NAA15: variants seen among roughly 807,000 people sequenced by gnomAD.
NAA15 encodes the protein N-terminal acetyltransferase.
Under a neutral mutation model 114.0 loss-of-function variants are expected in NAA15, and 34 were observed. That is an observed-to-expected ratio of 0.30 (90% CI 0.23 to 0.40). The LOEUF (loss-of-function observed/expected upper bound fraction) is 0.40, where lower values mean the gene tolerates loss of function less well. Ranked by LOEUF, NAA15 falls within the 10% of genes least tolerant of loss-of-function variation. NAA15 has a pLI of 1.00. For synonymous variants in NAA15, 340 were observed against 338.0 expected (o/e 1.01, Z -0.06); for missense variants, 658 against 1,004.5 (o/e 0.66, Z 4.66).
At chr4:139,337,329 A>G (rs1367091929) in intron 3 of NAA15, among the ~76,000 whole-genome samples, 2 of 152,218 alleles carry the variant, frequency 1.3e-5, no homozygotes, top group African/African-American at 4.8e-5. Flanking sequence ...AAAATAAGGA[A>G]TATTAGAGCG....
intron 1 of NAA15, among the ~76,000 whole-genome samples, chr4:139,328,690 C>T (rs1746890281): frequency 6.6e-6 from 1 of 151,288 alleles, no homozygotes; most frequent in South Asian, 2.1e-4. Flanking sequence ...GCCTCAGCCT[C>T]CCGAGTAGCT....
At chr4:139,360,377 G>C (rs1156766874) in intron 12 of NAA15, 123 bp from the exon 13 acceptor site, 1 of 731,118 alleles carries the variant, frequency 1.4e-6, no homozygotes, top group Non-Finnish European at 2.1e-6. Context: ...TATTCTTTAA[G>C]AATGTTTTAA....
chr4:139,360,581 A>G lies in NAA15; in HGVS notation c.1492A>G (p.Met498Val), dbSNP rs376099521. ...AGAATGTGCCCAGGCTTATAAAGCA[A>G]TGAATAAATTTGGTGAAGCACTTAA... ...QTECAQAYKA[M>V]NKFGEALKKC... is the part of the protein sequence containing the mutation. The change falls in exon 13 of 20, where the codon ATG (methionine) becomes GTG (valine). Residue 498 changes from methionine to valine, a missense_variant. Transcript: ENST00000296543. 7.5e-6 allele frequency: 12 copies of G among 1,610,476 alleles called. No homozygotes were observed. Among genetic ancestry groups the G allele is most frequent in the Non-Finnish European group, 8.5e-6 (10 of 1,178,288 alleles).
At position 139,375,384 on chromosome 4, in the gene NAA15, G is replaced by A. The variant is rs141010272; in HGVS notation, c.1948-981G>A. Among the ~76,000 whole-genome samples, 802 of 152,208 alleles carry A rather than the reference G, an allele frequency of 5.3e-3. 12 individuals carry two copies. Among genetic ancestry groups the A allele is most frequent in the African/African-American group, 0.018 (767 of 41,516 alleles). On this transcript the variant is annotated intron_variant, in intron 15 of 19. Transcript: ENST00000296543. ...TTTTAATGGGTTATTTTATTGTCCT[G>A]TAAGGCCTTCTGCTTTACACACTAG...
intron 14 of NAA15, among the ~76,000 whole-genome samples, chr4:139,363,048 T>C (rs1748178550): frequency 6.6e-6 from 1 of 152,222 alleles, no homozygotes; most frequent in African/African-American, 2.4e-5. Context: ...TAAGGTCACA[T>C]ACTGAAGCCT....
At chr4:139,315,001 T>TTCAGTTTAGTTTAGTTTAGTTTAGG (rs1181192026) in intron 1 of NAA15, among the ~76,000 whole-genome samples, 1 of 74,356 alleles carries the variant, frequency 1.3e-5, no homozygotes, top group African/African-American at 6.6e-5. Flanking sequence ...TTCAGTTCAG[T>TTCAGTTTAGTTTAGTTTAGTTTAGG]TTAGTTTAGG....
At chr4:139,322,934 G>A (rs1475779527) in intron 1 of NAA15, among the ~76,000 whole-genome samples, 11 of 151,014 alleles carry the variant, frequency 7.3e-5, no homozygotes, top group South Asian at 2.1e-4. Flanking sequence ...CAAGTGACCC[G>A]CCCACCTTGT....
chr4:139,368,499 C>G (rs1466040838), intron 14 of NAA15, among the ~76,000 whole-genome samples: 2 of 152,200 alleles, frequency 1.3e-5, no homozygotes, highest in Non-Finnish European at 2.9e-5. Flanking sequence ...ATGGCTTACT[C>G]TCATGGCCAG....
intron 6 of NAA15, among the ~76,000 whole-genome samples, chr4:139,344,655 A>T (rs1284332959): frequency 6.6e-6 from 1 of 152,236 alleles, no homozygotes; most frequent in Non-Finnish European, 1.5e-5. Context: ...TTAGTTTTAT[A>T]AGACAGAGGA....
At position 139,342,711 on chromosome 4, in the gene NAA15, G is replaced by A. The variant is rs1399438314; in HGVS notation, c.403-115G>A. Reference sequence around the variant, plus strand: ...GATCCACCCGCCTTAGCCTCCCAAAGTGCTGGGATTACAGGCGTGAGCCAC... The same window carrying A: ...GATCCACCCGCCTTAGCCTCCCAAAATGCTGGGATTACAGGCGTGAGCCAC... On this transcript the variant is annotated intron_variant, in intron 4 of 19. Transcript: ENST00000296543. 1.9e-5 allele frequency: 17 copies of A among 905,816 alleles called. No homozygotes were observed. The East Asian group carries it at 4.3e-4, about 23-fold the overall frequency. The allele number at this position is 905,816 out of a possible 1,614,324, so 56.1% of individuals were successfully genotyped here.
At chr4:139,350,276 C>G (rs1384399256) in intron 7 of NAA15, among the ~76,000 whole-genome samples, 2 of 152,124 alleles carry the variant, frequency 1.3e-5, no homozygotes, top group East Asian at 1.9e-4. Flanking sequence ...GACACTGCCT[C>G]TTAAATAAAA....
intron 1 of NAA15, among the ~76,000 whole-genome samples, chr4:139,321,471 G>GTTTTT (rs909254599): frequency 1.8e-5 from 2 of 113,238 alleles, no homozygotes; most frequent in Admixed American, 9.3e-5. Flanking sequence ...GCCCTTATTT[G>GTTTTT]TTTTTTTTTT....
rs772341656 is a variant in NAA15 at position 139,375,549 on chromosome 4, G to A, written c.1948-816G>A. Reference sequence around the variant, plus strand: ...ACAATTACTCTACTAACAGAGGCACGTTGACCAGATGTGGCAAATTCATTT... The same window carrying A: ...ACAATTACTCTACTAACAGAGGCACATTGACCAGATGTGGCAAATTCATTT... On this transcript the variant is annotated intron_variant, in intron 15 of 19. Transcript: ENST00000296543. 5.3e-5 allele frequency among the ~76,000 whole-genome samples: 8 copies of A among 151,884 alleles called. No individual in the cohort carries two copies. The South Asian group carries it at 1.0e-3, about 20-fold the overall frequency.
chr4:139,333,904 A>T (rs570214261), intron 1 of NAA15, among the ~76,000 whole-genome samples: 3 of 152,296 alleles, frequency 2.0e-5, no homozygotes, highest in South Asian at 2.1e-4. Context: ...GTCTTAAAAA[A>T]AAATAAATAA....
At chr4:139,303,879 A>G (rs376843434) in intron 1 of NAA15, among the ~76,000 whole-genome samples, 1 of 152,218 alleles carries the variant, frequency 6.6e-6, no homozygotes, top group African/African-American at 2.4e-5. Flanking sequence ...ATTGTCTAAT[A>G]TCTGGTTCAT....
At chr4:139,347,852 G>A (rs560599695) in intron 6 of NAA15, among the ~76,000 whole-genome samples, 14 of 150,928 alleles carry the variant, frequency 9.3e-5, no homozygotes, top group Admixed American at 6.6e-4. Context: ...CTAACAAGGC[G>A]AAACCCCGTC....
intron 6 of NAA15, 112 bp downstream of exon 6, chr4:139,344,451 A>C: frequency 1.2e-6 from 1 of 809,554 alleles, no homozygotes. Context: ...GATGATAGGA[A>C]ATCTATTTCT....
chr4:139,322,984 C>G (rs1746671264), intron 1 of NAA15, among the ~76,000 whole-genome samples: 1 of 151,766 alleles, frequency 6.6e-6, no homozygotes, highest in South Asian at 2.1e-4. Flanking sequence ...AGCCACCGCT[C>G]CCAGCCTCAG....
chr4:139,338,136 G>A (rs958937671), intron 3 of NAA15, among the ~76,000 whole-genome samples: 1 of 152,194 alleles, frequency 6.6e-6, no homozygotes, highest in Non-Finnish European at 1.5e-5. Context: ...AGAGTCAGTT[G>A]TGTGGCTGTT....
Sources: allele counts gnomAD v4.1 joint callset (sites outside exome capture counted in the v4.1 genomes callset), GRCh38; gene constraint gnomAD v4.1.1; transcripts MANE v1.5; gene names NCBI Gene and HGNC (gene_info 2026-07-23, HGNC 2026-07-21).